The following DEF6 variants were observed in gnomAD, a reference collection of about 807,000 sequenced individuals.
DEF6 encodes differentially expressed in FDCP 6 homolog.
In DEF6, 32 loss-of-function variants were observed where a neutral mutation model predicts 80.5. The observed-to-expected ratio is 0.40, with a 90% CI of 0.30 to 0.53. DEF6 has a LOEUF of 0.53. DEF6 is among the 20% of genes least tolerant of loss of function. The pLI is 0.57. For synonymous variants in DEF6, 300 were observed against 337.9 expected (o/e 0.89, Z 1.23); for missense variants, 575 against 818.7 (o/e 0.70, Z 3.63).
rs761086759 is a variant in DEF6, at chr6:35,312,375, TGGCCCAGGA to T, written c.506_514del (p.Glu169_Gln171del). 3.7e-6 allele frequency: 6 copies of T among 1,614,176 alleles called. No individual in the cohort carries two copies. Among genetic ancestry groups the T allele is most frequent in the Middle Eastern group, 1.7e-4 (1 of 6,060 alleles). On this transcript the variant is annotated inframe_deletion, in exon 4 of 11. Transcript: ENST00000316637. The surrounding 1 kb of genome is among the most constrained non-coding windows in gnomAD (Gnocchi z 6.6). ...AGCTTGGGTGAGCTGGAGGAGCTTCTGGCCCAGGAGGCCCAGGTGGCCCAGACCACCGGG... is the reference window on the plus strand; with the variant it reads ...AGCTTGGGTGAGCTGGAGGAGCTTCTGGCCCAGGTGGCCCAGACCACCGGG...
intron 1 of DEF6, among the ~76,000 whole-genome samples, chr6:35,305,361 A>G (rs927619795): frequency 8.6e-5 from 13 of 151,950 alleles, no homozygotes; most frequent in Middle Eastern, 6.8e-3. Context: ...ATGGTGACAC[A>G]TGCCTGTAGT....
At position 35,321,414 on chromosome 6, in the gene DEF6, C is replaced by G. The variant is rs2150389730; in HGVS notation, c.*4C>G. ...GGATCCAGCACCAGAAAATTAGCCT[C>G]TCTTAGCCCCTTGTTCTTCCCAATG... On this transcript the variant is annotated 3_prime_UTR_variant, in exon 11 of 11. Transcript: ENST00000316637. The G allele has an allele frequency of 6.2e-7, 1 of 1,609,878 alleles. No homozygotes were observed. The highest frequency in any genetic ancestry group is 1.1e-5 in the South Asian group (1 of 90,968).
Position 35,312,783 on chromosome 6 carries a change from G to C in DEF6, c.807+11G>C. ...CACTGCTGCGTGGAGGTGAGGGGCA[G>C]GATGGGGGTGGAGGACATCTCAGGG... On this transcript the variant is annotated intron_variant, in intron 5 of 10. Coordinates refer to ENST00000316637, the MANE Select transcript of DEF6 (RefSeq NM_022047.4). The surrounding 1 kb of genome is among the most constrained non-coding windows in gnomAD (Gnocchi z 6.6). 1 of 1,609,002 alleles carries C rather than the reference G, an allele frequency of 6.2e-7. No homozygotes were observed. The highest frequency in any genetic ancestry group is 8.5e-7 in the Non-Finnish European group (1 of 1,177,900).
rs570695706 is a variant in DEF6, at chr6:35,297,904, C to T, written c.48C>T (p.Thr16=). 10 of 1,607,780 alleles carry T rather than the reference C, an allele frequency of 6.2e-6. No homozygotes were observed. Among genetic ancestry groups the T allele is most frequent in the Middle Eastern group, 1.6e-4 (1 of 6,074 alleles). The change falls in exon 1 of 11, where the codon ACC becomes ACT. Residue 16 remains threonine (T), a synonymous_variant. Coordinates refer to ENST00000316637, the MANE Select transcript of DEF6 (RefSeq NM_022047.4). The part of the protein sequence containing the change: ...ELLKSIWYAF[T]ALDVEKSGKV... ...TCAAGTCCATCTGGTACGCCTTTAC[C>T]GCGCTGGACGTGGAGAAGAGTGGCA...
intron 1 of DEF6, among the ~76,000 whole-genome samples, chr6:35,300,683 T>G (rs1791302805): frequency 1.3e-5 from 2 of 152,202 alleles, no homozygotes; most frequent in African/African-American, 4.8e-5. Flanking sequence ...ATGGCACTCC[T>G]GCCCAGGATG....
In DEF6 at chr6:35,297,913, C is replaced by T. The variant is rs202026924; in HGVS notation, c.57C>T (p.Asp19=). The change falls in exon 1 of 11, where the codon GAC becomes GAT. Residue 19 remains aspartate, a synonymous_variant. Coordinates refer to ENST00000316637, the MANE Select transcript of DEF6 (RefSeq NM_022047.4). ...KSIWYAFTAL[D]VEKSGKVSKS... ...TCTGGTACGCCTTTACCGCGCTGGA[C>T]GTGGAGAAGAGTGGCAAAGTCTCCA... 4.8e-5 allele frequency: 77 copies of T among 1,607,826 alleles called. No homozygotes were observed. The highest frequency in any genetic ancestry group is 2.4e-5 in the Non-Finnish European group (28 of 1,177,658).
At chr6:35,320,818 A>C in intron 9 of DEF6, 66 bp from the exon 10 acceptor site, 1 of 1,462,274 alleles carries the variant, frequency 6.8e-7, no homozygotes, top group South Asian at 1.2e-5. Context: ...TGCGAACCTG[A>C]AAAGATCAAG....
intron 1 of DEF6, among the ~76,000 whole-genome samples, chr6:35,309,330 C>T (rs1234329284): frequency 6.6e-6 from 1 of 152,134 alleles, no homozygotes; most frequent in African/African-American, 2.4e-5. Context: ...AAGAGGACAC[C>T]AATACCTAAT....
chr6:35,312,826 G>A lies in DEF6; in HGVS notation c.807+54G>A. 8 of 1,565,108 alleles carry A rather than the reference G, an allele frequency of 5.1e-6. No individual in the cohort carries two copies. Among genetic ancestry groups the A allele is most frequent in the Non-Finnish European group, 6.9e-6 (8 of 1,151,308 alleles). On this transcript the variant is annotated intron_variant, in intron 5 of 10. Transcript: ENST00000316637. The surrounding 1 kb of genome is among the most constrained non-coding windows in gnomAD (Gnocchi z 6.6). The stretch of plus-strand genomic sequence containing the variant: ...TCTCAGGGCCCAGAGTGTCCTCAGG[G>A]GCATGAGAAGACAAGGGGGTCAGGA...
rs1562150851 is a variant in DEF6 at position 35,319,190 on chromosome 6, A to T, written c.1216-334A>T. ...ATAACATATTATTATATATTATAAT[A>T]ATTATTAAGTTAGTGCTAGGAAGGA... On this transcript the variant is annotated intron_variant, in intron 7 of 10. Transcript: ENST00000316637. The surrounding 1 kb of genome is among the most constrained non-coding windows in gnomAD (Gnocchi z 4.5). 2.0e-5 allele frequency among the ~76,000 whole-genome samples: 3 copies of T among 151,804 alleles called. No homozygotes were observed. Among genetic ancestry groups the T allele is most frequent in the Non-Finnish European group, 4.4e-5 (3 of 67,986 alleles).
chr6:35,306,356 C>G (rs1022085765), intron 1 of DEF6, among the ~76,000 whole-genome samples: 1 of 151,614 alleles, frequency 6.6e-6, no homozygotes, highest in Non-Finnish European at 1.5e-5. Flanking sequence ...ACTAAAAATA[C>G]AAAAATTAGC....
At chr6:35,307,873 C>T (rs1473070911) in intron 1 of DEF6, among the ~76,000 whole-genome samples, 1 of 152,188 alleles carries the variant, frequency 6.6e-6, no homozygotes, top group African/African-American at 2.4e-5. Context: ...GGCACACACA[C>T]CATCTCCGAG....
chr6:35,312,787 G>A lies in DEF6; in HGVS notation c.807+15G>A, dbSNP rs2150387543. On this transcript the variant is annotated intron_variant, in intron 5 of 10. Transcript: ENST00000316637. The surrounding 1 kb of genome is among the most constrained non-coding windows in gnomAD (Gnocchi z 6.6). ...GCTGCGTGGAGGTGAGGGGCAGGAT[G>A]GGGGTGGAGGACATCTCAGGGCCCA... 6.2e-7 allele frequency: 1 copy of A among 1,608,236 alleles called. No homozygotes were observed. The highest frequency in any genetic ancestry group is 2.2e-5 in the East Asian group (1 of 44,686).
chr6:35,298,768 C>T (rs773983029), intron 1 of DEF6, among the ~76,000 whole-genome samples: 1 of 152,158 alleles, frequency 6.6e-6, no homozygotes, highest in South Asian at 2.1e-4. Context: ...CTAGAATCAG[C>T]GAACACTGGG....
intron 1 of DEF6, among the ~76,000 whole-genome samples, chr6:35,306,462 G>A (rs1382821468): frequency 2.6e-5 from 4 of 151,250 alleles, no homozygotes. Flanking sequence ...GGTGAGCCGA[G>A]ATCACGCCAT....
intron 1 of DEF6, among the ~76,000 whole-genome samples, chr6:35,304,097 C>T (rs952975979): frequency 6.6e-6 from 1 of 152,152 alleles, no homozygotes; most frequent in Non-Finnish European, 1.5e-5. Context: ...CACACCATTG[C>T]ACTCCAGCCT....
At chr6:35,304,472 C>T (rs1791365900) in intron 1 of DEF6, among the ~76,000 whole-genome samples, 1 of 152,184 alleles carries the variant, frequency 6.6e-6, no homozygotes, top group South Asian at 2.1e-4. Context: ...ACAGTAAGTG[C>T]AAAGGCCCTT....
In DEF6 at chr6:35,319,400, A is replaced by C. The variant is rs1031842510; in HGVS notation, c.1216-124A>C. 7.6e-5 allele frequency: 52 copies of C among 681,166 alleles called. No homozygotes were observed. The highest frequency in any genetic ancestry group is 1.2e-4 in the Non-Finnish European group (47 of 402,114). The allele number at this position is 681,166 out of a possible 1,614,324, so 42.2% of individuals were successfully genotyped here. A position where few individuals can be genotyped will look rare whatever the true frequency, so the allele number is the denominator to read the frequency against. On this transcript the variant is annotated intron_variant, in intron 7 of 10. Coordinates refer to ENST00000316637, the MANE Select transcript of DEF6 (RefSeq NM_022047.4). The surrounding 1 kb of genome is among the most constrained non-coding windows in gnomAD (Gnocchi z 4.5). ...GAAAGGGGTCAGATCAGGAAACCCC[A>C]ACATGAAGGAGTTCCCCAGACCCTC...
rs1431617302 is a variant in DEF6, at chr6:35,318,309, G to C, written c.1053G>C (p.Gln351His). 6.4e-7 allele frequency: 1 copy of C among 1,551,274 alleles called. No homozygotes were observed. The change falls in exon 7 of 11, where the codon CAG (glutamine) becomes CAC (histidine). Residue 351 changes from glutamine to histidine, a missense_variant. Physicochemically the swap from Gln to His is conservative, Grantham distance 24. Transcript: ENST00000316637. This position sits in a 1 kb window ranked among gnomAD's most constrained non-coding sequence, Gnocchi z 5.1. ...AGGAAGAGGAGCTGCTGCGGCTGCA[G>C]CAGCTGCAGGAGGAGAAGGAGCGGA... Reference protein sequence around the residue: ...AAKEEELLRLQQLQEEKERKL... With the variant: ...AAKEEELLRLHQLQEEKERKL...
Sources: gnomAD v4.1 joint callset for allele counts (sites outside exome capture counted in the v4.1 genomes callset) on GRCh38, gnomAD v4.1.1 for gene constraint, Gnocchi (gnomAD v3.1) non-coding constraint, MANE v1.5 for transcripts, NCBI Gene and HGNC (gene_info 2026-07-23, HGNC 2026-07-21) for gene names.